CCDC144A: variants seen among roughly 807,000 people sequenced by gnomAD.
CCDC144A encodes the protein coiled-coil domain containing 144A, also known as coiled-coil domain-containing protein 144A.
In CCDC144A, 41 loss-of-function variants were observed where a neutral mutation model predicts 143.8. The ratio of observed to expected loss-of-function variants is 0.29; its 90% CI spans 0.22 to 0.37. CCDC144A has a LOEUF of 0.37. Ranked by LOEUF, CCDC144A falls within the 10% of genes least tolerant of loss-of-function variation. The probability of loss-of-function intolerance (pLI) is 1.00; values close to 1 mark genes in which losing one functional copy is unlikely to be tolerated. For synonymous variants in CCDC144A, 242 were observed against 517.9 expected (o/e 0.47, Z 7.23); for missense variants, 637 against 1,488.8 (o/e 0.43, Z 9.41).
chr17:16,729,487 C>A (rs1356719528), intron 9 of CCDC144A, among the ~76,000 whole-genome samples: 1 of 152,074 alleles, frequency 6.6e-6, no homozygotes, highest in Admixed American at 6.6e-5. Context: ...GCATAGTTTG[C>A]AAATATTTTC....
At chr17:16,712,111 C>A in intron 6 of CCDC144A, 17 of 255,060 alleles carry the variant, frequency 6.7e-5, no homozygotes, top group Admixed American at 1.5e-4. Context: ...GCCTGGGCAA[C>A]AAGAGTAAAA....
intron 2 of CCDC144A, among the ~76,000 whole-genome samples, chr17:16,696,920 C>A (rs2143054011): frequency 6.6e-6 from 1 of 151,398 alleles, no homozygotes; most frequent in Admixed American, 6.6e-5. Context: ...TTACATATTT[C>A]TTTTAGTTAG....
At chr17:16,757,934 A>G (rs1218867288) in intron 12 of CCDC144A, among the ~76,000 whole-genome samples, 1 of 152,084 alleles carries the variant, frequency 6.6e-6, no homozygotes, top group Non-Finnish European at 1.5e-5. Flanking sequence ...TGGGCTGGCT[A>G]CCTCAGTTCC....
At chr17:16,714,775 G>C (rs1467133573) in intron 6 of CCDC144A, among the ~76,000 whole-genome samples, 1 of 151,556 alleles carries the variant, frequency 6.6e-6, no homozygotes, top group African/African-American at 2.4e-5. Context: ...TATGTGTCAG[G>C]GTTCCTCCTC....
At chr17:16,692,043 G>T (rs1911119261) in intron 1 of CCDC144A, 1 of 151,968 alleles carries the variant, frequency 6.6e-6, no homozygotes, top group Admixed American at 6.6e-5. Context: ...GATCAATGGA[G>T]CTGAGTAACA....
intron 9 of CCDC144A, among the ~76,000 whole-genome samples, chr17:16,730,378 T>G (rs944948817): frequency 9.6e-6 from 1 of 104,500 alleles, no homozygotes; most frequent in African/African-American, 4.7e-5. Context: ...CATGCTGTTT[T>G]GGTTACTTTA....
At chr17:16,737,327 C>T (rs913235266) in intron 12 of CCDC144A, among the ~76,000 whole-genome samples, 4 of 151,066 alleles carry the variant, frequency 2.6e-5, no homozygotes, top group East Asian at 1.9e-4. Flanking sequence ...CCACTACGCC[C>T]GGCTAATTTT....
the CCDC144A span, among the ~76,000 whole-genome samples, chr17:16,680,095 A>G: frequency 6.6e-6 from 1 of 152,044 alleles, no homozygotes; most frequent in Non-Finnish European, 1.5e-5. Flanking sequence ...AGGAATAAGT[A>G]TTTAAATGCC....
intron 6 of CCDC144A, among the ~76,000 whole-genome samples, chr17:16,717,809 AATT>A (rs1168422079): frequency 1.3e-5 from 2 of 152,168 alleles, no homozygotes; most frequent in African/African-American, 4.8e-5. Flanking sequence ...TTATCAGTAG[AATT>A]ATTATAAAAC....
chr17:16,674,980 T>G, the CCDC144A span, among the ~76,000 whole-genome samples: 1 of 151,668 alleles, frequency 6.6e-6, no homozygotes, highest in Non-Finnish European at 1.5e-5. Flanking sequence ...TTGAAATGGA[T>G]TTTTTAGGCC....
At position 16,690,558 on chromosome 17, in the gene CCDC144A, G is replaced by T. The variant is rs747423910; in HGVS notation, c.158G>T (p.Trp53Leu). The T allele has an allele frequency of 1.9e-6, 3 of 1,613,826 alleles. No homozygotes were observed. Among genetic ancestry groups the T allele is most frequent in the Non-Finnish European group, 2.5e-6 (3 of 1,179,846 alleles). The change falls in exon 1 of 17, where the codon TGG (tryptophan) becomes TTG (leucine). Residue 53 changes from tryptophan (W) to leucine (L), a missense_variant. Transcript: ENST00000399273. ...DQWSSGFPYS[W>L]WKNSVGSESK... ...TGGTCCTCGGGCTTCCCCTACAGCTGGTGGAAAAACAGCGTCGGCAGCGAG... is the reference window on the plus strand; with the variant it reads ...TGGTCCTCGGGCTTCCCCTACAGCTTGTGGAAAAACAGCGTCGGCAGCGAG...
intron 2 of CCDC144A, among the ~76,000 whole-genome samples, chr17:16,701,297 A>AC (rs1294978609): frequency 2.0e-5 from 3 of 151,708 alleles, no homozygotes; most frequent in East Asian, 1.9e-4. Context: ...CATTATCAGT[A>AC]CCCCCCATCG....
intron 5 of CCDC144A, chr17:16,710,087 C>G (rs1412168478): frequency 5.4e-6 from 1 of 186,410 alleles, no homozygotes; most frequent in East Asian, 1.6e-4. Flanking sequence ...CACCTGTAGT[C>G]TCAGCTACTA....
chr17:16,700,663 T>C (rs1424383304), intron 2 of CCDC144A, among the ~76,000 whole-genome samples: 3 of 152,238 alleles, frequency 2.0e-5, no homozygotes, highest in Non-Finnish European at 4.4e-5. Context: ...TATAATATAA[T>C]AGCAAATAAT....
intron 12 of CCDC144A, among the ~76,000 whole-genome samples, chr17:16,754,423 T>C (rs187894682): frequency 6.6e-6 from 1 of 152,236 alleles, no homozygotes; most frequent in Non-Finnish European, 1.5e-5. Context: ...AGTGCTTCTT[T>C]TGTCACTTTC....
Position 16,709,088 on chromosome 17 carries a change from G to C in CCDC144A, c.1031G>C (p.Cys344Ser), listed in dbSNP as rs1432641733. The change falls in exon 5 of 17, where the codon TGT becomes TCT. Residue 344 changes from cysteine to serine, a missense_variant. Cys to Ser is a moderately radical substitution (Grantham distance 112). Coordinates refer to ENST00000399273, the MANE Select transcript of CCDC144A (RefSeq NM_001382000.1). ...PFNLTNNIPG[C>S]EEEDASEISV... ...AATTTGACAAATAACATACCTGGTT[G>C]TGAGGAAGAAGATGCATCTGAAATA... is the stretch of plus-strand genomic sequence containing the variant. The C allele has an allele frequency of 5.6e-6, 9 of 1,611,686 alleles. No homozygotes were observed. Among genetic ancestry groups the C allele is most frequent in the Non-Finnish European group, 7.6e-6 (9 of 1,179,660 alleles).
chr17:16,765,765 G>A lies in CCDC144A; in HGVS notation c.4098+1590G>A, dbSNP rs568979595. On this transcript the variant is annotated intron_variant, in intron 15 of 16. Coordinates refer to ENST00000399273, the MANE Select transcript of CCDC144A (RefSeq NM_001382000.1). ...GCTGATATTTTTAATCATATTGTTC[G>A]CTTAGGTTTTATTTTTCTGAAAAAA... The A allele has an allele frequency of 5.1e-3, 775 of 151,954 alleles. 5 individuals carry two copies. Among genetic ancestry groups the A allele is most frequent in the African/African-American group, 0.018 (737 of 41,320 alleles). 9.4% of individuals were successfully genotyped at this position (151,954 alleles called of 1,614,324 possible).
At chr17:16,744,765 A>T (rs532167260) in intron 12 of CCDC144A, among the ~76,000 whole-genome samples, 1 of 152,028 alleles carries the variant, frequency 6.6e-6, no homozygotes, top group African/African-American at 2.4e-5. Context: ...TTTACTTAAT[A>T]AATGGTTAAA....
At chr17:16,687,260 T>C (rs1597519449), upstream of CCDC144A, among the ~76,000 whole-genome samples, 1 of 152,068 alleles carries the variant, frequency 6.6e-6, no homozygotes, top group Non-Finnish European at 1.5e-5. Flanking sequence ...CAAGCCTCAG[T>C]AGAGTGGGGG....
Sources: gnomAD v4.1 joint callset for allele counts (sites outside exome capture counted in the v4.1 genomes callset) on GRCh38, gnomAD v4.1.1 for gene constraint, MANE v1.5 for transcripts, NCBI Gene and HGNC (gene_info 2026-07-23, HGNC 2026-07-21) for gene names.